The following ATRNL1 variants were observed in gnomAD, a reference collection of about 807,000 sequenced individuals.
ATRNL1 encodes the protein attractin-like protein 1.
In ATRNL1, 95 loss-of-function variants were observed where a neutral mutation model predicts 182.7. The ratio of observed to expected loss-of-function variants is 0.52; its 90% CI spans 0.44 to 0.62. ATRNL1 has a LOEUF of 0.62. Among genes scored for constraint, ATRNL1 ranks in the 20% least tolerant of loss-of-function variants. The pLI, the probability that ATRNL1 is intolerant of heterozygous loss-of-function variation, is 0.00. For synonymous variants in ATRNL1, 576 were observed against 568.3 expected (o/e 1.01, Z -0.19); for missense variants, 1,471 against 1,679.5 (o/e 0.88, Z 2.17).
chr10:115,316,329 G>T (rs144683876), intron 18 of ATRNL1, among the ~76,000 whole-genome samples: 2 of 152,104 alleles, frequency 1.3e-5, no homozygotes, highest in African/African-American at 2.4e-5. Flanking sequence ...TGGTGTATAC[G>T]AACCACATTT....
intron 28 of ATRNL1, among the ~76,000 whole-genome samples, chr10:115,870,448 T>C (rs1555105830): frequency 6.6e-6 from 1 of 152,216 alleles, no homozygotes; most frequent in African/African-American, 2.4e-5. Flanking sequence ...ATGTAGCTAG[T>C]GCTTTTGGAA....
chr10:115,790,264 A>AG (rs2134209430), intron 27 of ATRNL1, among the ~76,000 whole-genome samples: 1 of 152,054 alleles, frequency 6.6e-6, no homozygotes, highest in South Asian at 2.1e-4. Context: ...AAGAAAAAAA[A>AG]AAAAAAACTC....
At chr10:115,557,240 G>C (rs868949199) in intron 26 of ATRNL1, among the ~76,000 whole-genome samples, 1 of 152,068 alleles carries the variant, frequency 6.6e-6, no homozygotes. Flanking sequence ...TAGATCTATC[G>C]AAGAGGCAGG....
intron 28 of ATRNL1, among the ~76,000 whole-genome samples, chr10:115,929,566 T>A (rs1953335462): frequency 6.6e-6 from 1 of 152,132 alleles, no homozygotes; most frequent in African/African-American, 2.4e-5. Flanking sequence ...GAGGGTCCAA[T>A]GAGTTTATCC....
chr10:115,806,469 G>A (rs980659834), intron 27 of ATRNL1, among the ~76,000 whole-genome samples: 7 of 151,944 alleles, frequency 4.6e-5, no homozygotes, highest in African/African-American at 1.7e-4. Context: ...GGGGGTGGCC[G>A]GCAAGAATAA....
intron 9 of ATRNL1, among the ~76,000 whole-genome samples, chr10:115,228,267 G>A (rs542453038): frequency 2.5e-4 from 38 of 152,180 alleles, no homozygotes; most frequent in Admixed American, 2.3e-3. Context: ...ATCTGGTTTC[G>A]TTACATTTAA....
chr10:115,217,057 C>T (rs560202417), intron 9 of ATRNL1, among the ~76,000 whole-genome samples: 3 of 152,066 alleles, frequency 2.0e-5, no homozygotes, highest in Non-Finnish European at 4.4e-5. Context: ...TACTATCAGT[C>T]TGTTACACAT....
At chr10:115,564,690 C>A (rs537662201) in intron 26 of ATRNL1, among the ~76,000 whole-genome samples, 6 of 151,976 alleles carry the variant, frequency 3.9e-5, no homozygotes, top group Non-Finnish European at 8.8e-5. Context: ...ACCAGCATTA[C>A]CCACCCACTC....
chr10:115,514,438 C>T (rs1554983404), intron 24 of ATRNL1, among the ~76,000 whole-genome samples: 2 of 151,398 alleles, frequency 1.3e-5, no homozygotes, highest in Non-Finnish European at 3.0e-5. Flanking sequence ...TCAGTTTCCT[C>T]TGGCTACTTT....
At chr10:115,588,669 TTG>T (rs1440448781) in intron 26 of ATRNL1, among the ~76,000 whole-genome samples, 3 of 152,122 alleles carry the variant, frequency 2.0e-5, no homozygotes, top group Non-Finnish European at 2.9e-5. Flanking sequence ...CAGGTAGGGT[TTG>T]TGTGTGAGTG....
intron 27 of ATRNL1, among the ~76,000 whole-genome samples, chr10:115,741,061 C>T (rs1255521920): frequency 1.3e-5 from 2 of 152,090 alleles, no homozygotes; most frequent in African/African-American, 4.8e-5. Context: ...GAACAATTGT[C>T]TCCACAAATA....
intron 8 of ATRNL1, among the ~76,000 whole-genome samples, chr10:115,183,259 CTA>C (rs1847815549): frequency 6.6e-6 from 1 of 151,198 alleles, no homozygotes; most frequent in Non-Finnish European, 1.5e-5. Flanking sequence ...TTAAACAACT[CTA>C]TTAATATGAA....
intron 24 of ATRNL1, among the ~76,000 whole-genome samples, chr10:115,517,171 A>T (rs898545689): frequency 6.6e-6 from 1 of 151,816 alleles, no homozygotes; most frequent in African/African-American, 2.4e-5. Flanking sequence ...TTCTTCCAAA[A>T]TTTTGCCATT....
chr10:115,773,373 G>A (rs879950268), intron 27 of ATRNL1, among the ~76,000 whole-genome samples: 1 of 152,044 alleles, frequency 6.6e-6, no homozygotes, highest in Admixed American at 6.6e-5. Flanking sequence ...GACTACAAAG[G>A]GAGCACAAGA....
chr10:115,351,967 T>A (rs2134126432), intron 19 of ATRNL1, among the ~76,000 whole-genome samples: 1 of 152,046 alleles, frequency 6.6e-6, no homozygotes, highest in Non-Finnish European at 1.5e-5. Flanking sequence ...TTGATGGGAG[T>A]CTTTATTATT....
intron 25 of ATRNL1, among the ~76,000 whole-genome samples, chr10:115,522,836 T>C (rs1317548017): frequency 6.6e-6 from 1 of 152,184 alleles, no homozygotes; most frequent in Non-Finnish European, 1.5e-5. Context: ...CAAAATATAG[T>C]GATAACATGC....
chr10:115,421,119 A>T (rs1259922697), intron 20 of ATRNL1, among the ~76,000 whole-genome samples: 1 of 152,192 alleles, frequency 6.6e-6, no homozygotes, highest in Non-Finnish European at 1.5e-5. Flanking sequence ...CAAATATTTA[A>T]AAATGAACTC....
intron 25 of ATRNL1, among the ~76,000 whole-genome samples, chr10:115,537,003 G>T (rs7098660): frequency 0.64 from 96,891 of 152,044 alleles, 31,859 homozygotes; most frequent in Non-Finnish European, 0.73. Flanking sequence ...GATGGATATG[G>T]TAATGGAAAT....
chr10:115,542,113 A>T lies in ATRNL1; in HGVS notation c.3717-7345A>T, dbSNP rs1388925045. On this transcript the variant is annotated intron_variant, in intron 25 of 28. Coordinates refer to ENST00000355044, the MANE Select transcript of ATRNL1 (RefSeq NM_207303.4). ...GGTATTATCCAAGTAGGCTACTTGT[A>T]ATAGGACTTACCCAGGAAGATTTTC... Among the ~76,000 whole-genome samples the T allele has an allele frequency of 3.9e-5, 6 of 152,114 alleles. No homozygotes were observed. The South Asian group carries it at 1.2e-3, about 31-fold the overall frequency.
Sources: allele counts gnomAD v4.1 joint callset (sites outside exome capture counted in the v4.1 genomes callset), GRCh38; gene constraint gnomAD v4.1.1; transcripts MANE v1.5; gene names NCBI Gene and HGNC (gene_info 2026-07-23, HGNC 2026-07-21).